CTCF: variants seen among roughly 807,000 people sequenced by gnomAD.
The protein encoded by CTCF is transcriptional repressor CTCF.
CTCF carries 7 observed loss-of-function variants against 72.3 expected under a neutral mutation model. The observed-to-expected ratio is 0.10, with a 90% CI of 0.06 to 0.18. CTCF has a LOEUF of 0.18. CTCF is among the 10% of genes least tolerant of loss of function. CTCF has a pLI of 1.00. For synonymous variants in CTCF, 374 were observed against 315.8 expected (o/e 1.18, Z -1.95); for missense variants, 516 against 949.1 (o/e 0.54, Z 6.00).
At position 67,611,247 on chromosome 16, in the gene CTCF, G is replaced by A. The variant is rs373823720; in HGVS notation, c.415G>A (p.Glu139Lys). Residue 139 changes from glutamate (E) to lysine (K), a missense_variant, in exon 3 of 12, where the codon GAA becomes AAA. Coordinates refer to ENST00000264010, the MANE Select transcript of CTCF (RefSeq NM_006565.4). Reference protein sequence around the residue: ...TSVEELQGAYENEVSKEGLAE... With the variant: ...TSVEELQGAYKNEVSKEGLAE... The stretch of plus-strand genomic sequence containing the variant: ...AGTAGAAGAACTTCAGGGGGCTTAT[G>A]AAAATGAAGTGTCTAAAGAGGGCCT... 9 of 1,614,058 alleles carry A rather than the reference G, an allele frequency of 5.6e-6. No homozygotes were observed. Among genetic ancestry groups the A allele is most frequent in the Non-Finnish European group, 7.6e-6 (9 of 1,180,050 alleles).
Position 67,621,748 on chromosome 16 carries a change from C to CTTT in CTCF, c.1357+174_1357+176dup, listed in dbSNP as rs34853932. Among the ~76,000 whole-genome samples the CTTT allele has an allele frequency of 1.9e-3, 226 of 121,338 alleles. 8 individuals are homozygous for CTTT. The highest frequency in any genetic ancestry group is 6.9e-3 in the African/African-American group (210 of 30,292). 79.6% of individuals were successfully genotyped at this position (121,338 alleles called of 152,430 possible). A position where few individuals can be genotyped will look rare whatever the true frequency, so the allele number is the denominator to read the frequency against. On this transcript the variant is annotated intron_variant, in intron 7 of 11. Coordinates refer to ENST00000264010, the MANE Select transcript of CTCF (RefSeq NM_006565.4). ...TTTAGTAAAAGCCATTGCTTAGCTG[C>CTTT]TTTTTTTTTTTTTTTTTTTCTATTT...
At chr16:67,568,432 A>G (rs909666759) in intron 1 of CTCF, 2 of 151,950 alleles carry the variant, frequency 1.3e-5, no homozygotes, top group Non-Finnish European at 2.9e-5. Context: ...TCTGTCACCC[A>G]GGCTGGAGTG....
Position 67,637,901 on chromosome 16 carries a change from T to A in CTCF, c.*29T>A, listed in dbSNP as rs6499137. Reference sequence around the variant, plus strand: ...CGGAGCCTTGTGCGTCGCCAGGACTTCTCTGGGCTGTGTTTAAACGGCCCG... The same window carrying A: ...CGGAGCCTTGTGCGTCGCCAGGACTACTCTGGGCTGTGTTTAAACGGCCCG... On this transcript the variant is annotated 3_prime_UTR_variant, in exon 12 of 12. Coordinates refer to ENST00000264010, the MANE Select transcript of CTCF (RefSeq NM_006565.4). The A allele has an allele frequency of 4.5e-5, 70 of 1,552,472 alleles. No homozygotes were observed. The African/African-American group carries it at 8.5e-4, about 19-fold the overall frequency.
At chr16:67,584,039 A>G (rs2051626417) in intron 2 of CTCF, among the ~76,000 whole-genome samples, 1 of 126,472 alleles carries the variant, frequency 7.9e-6, no homozygotes, top group Non-Finnish European at 1.7e-5. Context: ...TCTTTGCTTC[A>G]TGCTTGTGTG....
chr16:67,608,983 C>G (rs1313178775), intron 2 of CTCF, among the ~76,000 whole-genome samples: 3 of 151,660 alleles, frequency 2.0e-5, no homozygotes, highest in African/African-American at 7.3e-5. Context: ...TCAGGTGATC[C>G]ACACACCTCA....
chr16:67,603,316 T>C (rs1204184230), intron 2 of CTCF, among the ~76,000 whole-genome samples: 1 of 150,704 alleles, frequency 6.6e-6, no homozygotes, highest in Non-Finnish European at 1.5e-5. Flanking sequence ...GATCACGAGG[T>C]CAGGAGATCG....
chr16:67,586,391 G>T (rs2051668881), intron 2 of CTCF, among the ~76,000 whole-genome samples: 1 of 152,112 alleles, frequency 6.6e-6, no homozygotes. Context: ...AAAAAAATTA[G>T]CTGGGCATGG....
intron 2 of CTCF, among the ~76,000 whole-genome samples, chr16:67,598,910 T>C (rs1404303850): frequency 2.0e-5 from 3 of 152,106 alleles, no homozygotes. Flanking sequence ...CTCCGTAAAG[T>C]ATTGGGGATC....
chr16:67,610,995 A>C lies in CTCF; in HGVS notation c.163A>C (p.Asn55His). ...TDGGEVVQDV[N>H]SSVQMVMMEQ... The stretch of plus-strand genomic sequence containing the variant: ...TGGGGGTGAGGTGGTCCAGGATGTC[A>C]ACAGCAGTGTACAGATGGTGATGAT... The change falls in exon 3 of 12, where the codon AAC becomes CAC. Residue 55 changes from asparagine to histidine, a missense_variant. Physicochemically the swap from Asn to His is moderately conservative, Grantham distance 68 (BLOSUM62 1). This residue lies in a region of CTCF where 148 missense variants were observed against 194.9 expected (regional missense o/e 0.76). Coordinates refer to ENST00000264010, the MANE Select transcript of CTCF (RefSeq NM_006565.4). The C allele has an allele frequency of 6.2e-7, 1 of 1,608,322 alleles. No individual in the cohort carries two copies. The highest frequency in any genetic ancestry group is 8.5e-7 in the Non-Finnish European group (1 of 1,175,090).
chr16:67,637,557 C>G, intron 11 of CTCF, 131 bp from the exon 12 acceptor site: 1 of 675,774 alleles, frequency 1.5e-6, no homozygotes, highest in Non-Finnish European at 2.5e-6. Context: ...AATAAATTGA[C>G]TGTCTCTGGA....
chr16:67,585,895 T>TG lies in CTCF; in HGVS notation c.-10+14632dup, dbSNP rs539447653. 9.2e-5 allele frequency among the ~76,000 whole-genome samples: 14 copies of TG among 152,314 alleles called. No individual in the cohort carries two copies. The East Asian group carries it at 2.5e-3, about 27-fold the overall frequency. On this transcript the variant is annotated intron_variant, in intron 2 of 11. Transcript: ENST00000264010. ...TGTAATTTTTTTCTCCCTGTCCCCCTGTTCAACAAAGTATTTGCTTCTTCC... is the reference window on the plus strand; with the variant it reads ...TGTAATTTTTTTCTCCCTGTCCCCCTGGTTCAACAAAGTATTTGCTTCTTCC...
chr16:67,566,660 T>C (rs1256910134), intron 1 of CTCF, among the ~76,000 whole-genome samples: 1 of 151,184 alleles, frequency 6.6e-6, no homozygotes, highest in Non-Finnish European at 1.5e-5. Context: ...CACTGCAAGC[T>C]CTACCTCCCA....
At chr16:67,569,219 ACT>A (rs1034298140) in intron 1 of CTCF, among the ~76,000 whole-genome samples, 11 of 146,102 alleles carry the variant, frequency 7.5e-5, no homozygotes, top group African/African-American at 2.8e-4. Flanking sequence ...ACAGAGTCTC[ACT>A]CTGTCGCCAG....
At chr16:67,582,793 T>A (rs780281302) in intron 2 of CTCF, among the ~76,000 whole-genome samples, 8 of 152,006 alleles carry the variant, frequency 5.3e-5, no homozygotes, top group Non-Finnish European at 1.2e-4. Flanking sequence ...AATCAAACCT[T>A]TTTTGGTCCT....
chr16:67,609,231 C>T (rs1013218117), intron 2 of CTCF, among the ~76,000 whole-genome samples: 1 of 152,170 alleles, frequency 6.6e-6, no homozygotes, highest in African/African-American at 2.4e-5. Context: ...ATATATGCAT[C>T]ATCTCACATC....
At chr16:67,579,147 C>G (rs1271325853) in intron 2 of CTCF, among the ~76,000 whole-genome samples, 1 of 150,802 alleles carries the variant, frequency 6.6e-6, no homozygotes, top group Non-Finnish European at 1.5e-5. Context: ...CTCAGCTACT[C>G]GGGAGGCTGA....
At chr16:67,612,350 C>T (rs1373865527) in intron 4 of CTCF, 4 of 360,610 alleles carry the variant, frequency 1.1e-5, no homozygotes, top group Non-Finnish European at 2.0e-5. Flanking sequence ...AAAGAAGTCT[C>T]AGGCAATAGA....
intron 2 of CTCF, among the ~76,000 whole-genome samples, chr16:67,610,254 T>G (rs1293256538): frequency 6.6e-6 from 1 of 152,152 alleles, no homozygotes; most frequent in Non-Finnish European, 1.5e-5. Context: ...GTCACCAATT[T>G]CCTGTTAATT....
At chr16:67,636,189 A>C (rs1019704092) in intron 10 of CTCF, among the ~76,000 whole-genome samples, 1 of 152,156 alleles carries the variant, frequency 6.6e-6, no homozygotes, top group Admixed American at 6.5e-5. Flanking sequence ...CAGCCTGACC[A>C]ATATGGTGAA....
Sources: allele counts gnomAD v4.1 joint callset (sites outside exome capture counted in the v4.1 genomes callset), GRCh38; gene constraint gnomAD v4.1.1; regional missense constraint gnomAD v4.1.1; transcripts MANE v1.5; gene names NCBI Gene and HGNC (gene_info 2026-07-23, HGNC 2026-07-21).